Variants in FOXJ3 observed in about 807,000 individuals in gnomAD.
FOXJ3 encodes forkhead box J3.
A neutral mutation model predicts 76.1 loss-of-function variants in FOXJ3; 22 were observed. The observed-to-expected ratio is 0.29, with a 90% CI of 0.21 to 0.41. The LOEUF (loss-of-function observed/expected upper bound fraction) is 0.41. Ranked by LOEUF, FOXJ3 falls within the 10% of genes least tolerant of loss-of-function variation. FOXJ3 has a pLI of 1.00. For synonymous variants in FOXJ3, 269 were observed against 261.2 expected (o/e 1.03, Z -0.29); for missense variants, 613 against 762.1 (o/e 0.80, Z 2.30).
chr1:42,260,324 C>T (rs188723157), intron 4 of FOXJ3, among the ~76,000 whole-genome samples: 3 of 152,026 alleles, frequency 2.0e-5, no homozygotes, highest in Non-Finnish European at 2.9e-5. Flanking sequence ...TATAGCCCCC[C>T]CAAAAAGAAT....
chr1:42,297,651 C>T (rs1303360936), intron 2 of FOXJ3, among the ~76,000 whole-genome samples: 9 of 152,056 alleles, frequency 5.9e-5, no homozygotes, highest in African/African-American at 1.9e-4. Flanking sequence ...GATGTGCTGT[C>T]GGATTCAGCA....
chr1:42,185,764 TA>T (rs1646422986), intron 11 of FOXJ3, among the ~76,000 whole-genome samples: 1 of 152,030 alleles, frequency 6.6e-6, no homozygotes, highest in Non-Finnish European at 1.5e-5. Flanking sequence ...TAACCACAGG[TA>T]AAAAGATTTA....
chr1:42,295,320 T>A (rs1222534988), intron 2 of FOXJ3, among the ~76,000 whole-genome samples: 3 of 152,174 alleles, frequency 2.0e-5, no homozygotes, highest in African/African-American at 7.2e-5. Context: ...GTATTTGATT[T>A]TGTTTCTGAG....
intron 2 of FOXJ3, among the ~76,000 whole-genome samples, chr1:42,284,477 A>C (rs1364872094): frequency 6.6e-6 from 1 of 152,244 alleles, no homozygotes; most frequent in Admixed American, 6.5e-5. Flanking sequence ...GAGAAAGTAC[A>C]GATTTGCTAA....
chr1:42,279,475 AAGAC>A (rs1652537135), intron 2 of FOXJ3, among the ~76,000 whole-genome samples: 1 of 152,208 alleles, frequency 6.6e-6, no homozygotes, highest in African/African-American at 2.4e-5. Flanking sequence ...TAAAAACTAA[AAGAC>A]AGGTTTGGGC....
chr1:42,250,974 T>C (rs183686828), intron 4 of FOXJ3, among the ~76,000 whole-genome samples: 12 of 152,022 alleles, frequency 7.9e-5, no homozygotes, highest in African/African-American at 2.7e-4. Flanking sequence ...TCATGTCTTA[T>C]TATAACTGAC....
upstream of FOXJ3, chr1:42,335,417 GGT>G (rs1656440740): frequency 6.6e-6 from 1 of 152,298 alleles, no homozygotes; most frequent in Non-Finnish European, 1.5e-5. Context: ...CGGCGCAGCC[GGT>G]GTCATCTAGC....
intron 11 of FOXJ3, 59 bp from the exon 12 acceptor site, chr1:42,182,083 G>T: frequency 2.2e-6 from 2 of 920,680 alleles, no homozygotes; most frequent in Non-Finnish European, 3.4e-6. Flanking sequence ...AACAAATGGA[G>T]CACTAAAATC....
intron 2 of FOXJ3, among the ~76,000 whole-genome samples, chr1:42,309,796 G>A (rs960100023): frequency 6.6e-6 from 1 of 152,148 alleles, no homozygotes; most frequent in African/African-American, 2.4e-5. Context: ...TTCACTCTGG[G>A]AACCACGACA....
At chr1:42,210,513 A>C (rs536198121) in intron 5 of FOXJ3, among the ~76,000 whole-genome samples, 3 of 152,302 alleles carry the variant, frequency 2.0e-5, no homozygotes, top group East Asian at 1.9e-4. Context: ...AGGGACAATA[A>C]CACCACTCTG....
chr1:42,234,268 C>G (rs1442547054), intron 4 of FOXJ3, among the ~76,000 whole-genome samples: 1 of 152,108 alleles, frequency 6.6e-6, no homozygotes, highest in African/African-American at 2.4e-5. Context: ...TTAAGGACTT[C>G]TCTGCATTGG....
At chr1:42,210,774 G>A (rs541650986) in intron 5 of FOXJ3, among the ~76,000 whole-genome samples, 5 of 152,186 alleles carry the variant, frequency 3.3e-5, no homozygotes, top group South Asian at 4.1e-4. Context: ...GCTGGTACCC[G>A]CTGCTGGGAG....
intron 5 of FOXJ3, among the ~76,000 whole-genome samples, chr1:42,206,708 CT>C (rs1322926215): frequency 6.6e-6 from 1 of 152,088 alleles, no homozygotes; most frequent in Non-Finnish European, 1.5e-5. Flanking sequence ...CAAATTTTAT[CT>C]TTTGTTTATA....
At chr1:42,331,937 A>G (rs1318908774) in intron 1 of FOXJ3, among the ~76,000 whole-genome samples, 1 of 152,234 alleles carries the variant, frequency 6.6e-6, no homozygotes, top group Non-Finnish European at 1.5e-5. Flanking sequence ...AATAATTACC[A>G]TATCAGATAC....
At chr1:42,243,735 T>C (rs1338147344) in intron 4 of FOXJ3, among the ~76,000 whole-genome samples, 1 of 152,090 alleles carries the variant, frequency 6.6e-6, no homozygotes, top group Admixed American at 6.5e-5. Flanking sequence ...TCTAAATATA[T>C]ATGCATCCAA....
intron 11 of FOXJ3, among the ~76,000 whole-genome samples, chr1:42,187,406 AAG>A (rs1176060033): frequency 6.6e-6 from 1 of 152,194 alleles, no homozygotes; most frequent in African/African-American, 2.4e-5. Context: ...AAGGAGAAAA[AAG>A]GGACAAAAAA....
At chr1:42,198,995 G>C (rs1009327631) in intron 7 of FOXJ3, 107 bp downstream of exon 7, 2 of 847,070 alleles carry the variant, frequency 2.4e-6, no homozygotes, top group Non-Finnish European at 3.7e-6. Context: ...AAATTTATTA[G>C]TGAGAAAAAC....
intron 2 of FOXJ3, among the ~76,000 whole-genome samples, chr1:42,299,497 AGT>A (rs1375303869): frequency 6.8e-6 from 1 of 146,238 alleles, no homozygotes; most frequent in Non-Finnish European, 1.5e-5. Context: ...GTCTTTAACC[AGT>A]GTGTGTGGGG....
chr1:42,240,303 AT>A (rs1369136968), intron 4 of FOXJ3, among the ~76,000 whole-genome samples: 1 of 152,210 alleles, frequency 6.6e-6, no homozygotes, highest in Admixed American at 6.5e-5. Flanking sequence ...CAATGTATAG[AT>A]TCAATGTAAG....
Sources: gnomAD v4.1 joint callset for allele counts (sites outside exome capture counted in the v4.1 genomes callset) on GRCh38, gnomAD v4.1.1 for gene constraint, MANE v1.5 for transcripts, NCBI Gene and HGNC (gene_info 2026-07-23, HGNC 2026-07-21) for gene names.